CNTN4: variants seen among roughly 807,000 people sequenced by gnomAD.
CNTN4 encodes contactin 4.
In CNTN4, 77 loss-of-function variants were observed where a neutral mutation model predicts 122.5. The observed-to-expected ratio is 0.63, with a 90% confidence interval of 0.52 to 0.76. The LOEUF (loss-of-function observed/expected upper bound fraction) is 0.76. Ranked by LOEUF, CNTN4 falls within the 30% of genes least tolerant of loss-of-function variation. The pLI is 0.00. For missense variants in CNTN4, 1,256 were observed against 1,259.1 expected (o/e 1.00, Z 0.04); for synonymous variants, 512 against 447.0 (o/e 1.15, Z -1.83).
rs935426805 is a variant in CNTN4, at chr3:2,128,292, C to T, written c.-145+27653C>T. Among the ~76,000 whole-genome samples the T allele has an allele frequency of 3.9e-5, 6 of 152,288 alleles. No homozygotes were observed. The South Asian group carries it at 1.2e-3, about 32-fold the overall frequency. On this transcript the variant is annotated intron_variant, in intron 2 of 24. Coordinates refer to ENST00000418658, the MANE Select transcript of CNTN4 (RefSeq NM_175607.3). Reference sequence around the variant, plus strand: ...TTTTTAAACTGGCCAAAAGAAAACACATATTTCCAGAATGGACACAGTGAT... The same window carrying T: ...TTTTTAAACTGGCCAAAAGAAAACATATATTTCCAGAATGGACACAGTGAT...
intron 2 of CNTN4, among the ~76,000 whole-genome samples, chr3:2,225,962 G>T (rs1027770367): frequency 6.6e-6 from 1 of 152,162 alleles, no homozygotes; most frequent in Admixed American, 6.5e-5. Context: ...AAGACCTTGA[G>T]CAAGTTACTT....
chr3:2,249,903 A>G (rs191018850), intron 2 of CNTN4, among the ~76,000 whole-genome samples: 5 of 151,924 alleles, frequency 3.3e-5, no homozygotes, highest in Admixed American at 2.6e-4. Flanking sequence ...CAAGATCCCT[A>G]TAGAGGGATT....
At chr3:2,171,556 A>G (rs1284098810) in intron 2 of CNTN4, among the ~76,000 whole-genome samples, 1 of 152,178 alleles carries the variant, frequency 6.6e-6, no homozygotes, top group Non-Finnish European at 1.5e-5. Flanking sequence ...AAGTAGAGCT[A>G]TTTCCAATTT....
chr3:2,850,082 C>A (rs1442073543), intron 7 of CNTN4, among the ~76,000 whole-genome samples: 1 of 151,658 alleles, frequency 6.6e-6, no homozygotes. Context: ...CTCCACCTCC[C>A]GAGTTCAAGT....
chr3:2,328,112 C>A (rs1179831704), intron 2 of CNTN4, among the ~76,000 whole-genome samples: 3 of 152,174 alleles, frequency 2.0e-5, no homozygotes, highest in Non-Finnish European at 4.4e-5. Flanking sequence ...TTCTGCACGG[C>A]TGTCCATTAA....
intron 12 of CNTN4, among the ~76,000 whole-genome samples, chr3:2,903,599 A>G (rs1479488892): frequency 1.3e-5 from 2 of 151,862 alleles, no homozygotes; most frequent in African/African-American, 4.8e-5. Context: ...TCCCCTCTTC[A>G]TTTCTGTAAC....
chr3:2,150,554 A>C (rs1180216354), intron 2 of CNTN4, among the ~76,000 whole-genome samples: 2 of 152,174 alleles, frequency 1.3e-5, no homozygotes, highest in Non-Finnish European at 2.9e-5. Context: ...TCCCCTGGGG[A>C]TTCTGTAGCA....
intron 2 of CNTN4, among the ~76,000 whole-genome samples, chr3:2,327,003 G>A (rs1409038554): frequency 1.3e-5 from 2 of 152,138 alleles, no homozygotes; most frequent in African/African-American, 4.8e-5. Flanking sequence ...ATGTAGGTAG[G>A]AAAGATAATT....
chr3:2,705,750 TATA>T (rs1305808314), intron 4 of CNTN4, among the ~76,000 whole-genome samples: 1 of 102,502 alleles, frequency 9.8e-6, no homozygotes, highest in African/African-American at 4.1e-5. Context: ...ATATATGATA[TATA>T]ATATATAATA....
chr3:2,887,502 C>T (rs2093992160), intron 10 of CNTN4, among the ~76,000 whole-genome samples: 1 of 151,934 alleles, frequency 6.6e-6, no homozygotes, highest in African/African-American at 2.4e-5. Context: ...TCTGTTTTTC[C>T]TCTTTGCATC....
At chr3:2,636,668 TA>T (rs1414188071) in intron 4 of CNTN4, among the ~76,000 whole-genome samples, 9 of 152,174 alleles carry the variant, frequency 5.9e-5, no homozygotes, top group Non-Finnish European at 1.3e-4. Context: ...AATAAGCTTA[TA>T]AAACCCAAAC....
chr3:2,722,572 A>G (rs796707339), intron 4 of CNTN4, among the ~76,000 whole-genome samples: 7 of 152,226 alleles, frequency 4.6e-5, no homozygotes, highest in African/African-American at 1.7e-4. Flanking sequence ...CAACAACTCA[A>G]TGGACGTGCT....
At chr3:2,396,993 G>C (rs764362104) in intron 3 of CNTN4, among the ~76,000 whole-genome samples, 7 of 152,182 alleles carry the variant, frequency 4.6e-5, no homozygotes, top group Admixed American at 6.5e-5. Flanking sequence ...TTGAAATTCA[G>C]TATAAGGAAG....
At chr3:2,367,424 A>G (rs1016122504) in intron 3 of CNTN4, among the ~76,000 whole-genome samples, 5 of 152,252 alleles carry the variant, frequency 3.3e-5, no homozygotes, top group African/African-American at 1.2e-4. Context: ...CCTTGAAAAT[A>G]CGAAAATCTT....
intron 4 of CNTN4, among the ~76,000 whole-genome samples, chr3:2,684,414 A>T (rs1007839897): frequency 6.6e-6 from 1 of 152,178 alleles, no homozygotes; most frequent in African/African-American, 2.4e-5. Context: ...GAGAAATTAT[A>T]CAAAGTGGTA....
chr3:2,907,868 C>G (rs2151194227), intron 12 of CNTN4, among the ~76,000 whole-genome samples: 1 of 152,304 alleles, frequency 6.6e-6, no homozygotes, highest in South Asian at 2.1e-4. Flanking sequence ...GATTTACTCA[C>G]TGGATGGGCA....
At chr3:2,315,584 G>T (rs11129099) in intron 2 of CNTN4, among the ~76,000 whole-genome samples, 64,110 of 151,602 alleles carry the variant, frequency 0.42, 14,798 homozygotes, top group Admixed American at 0.51. Context: ...ATAATCAGAA[G>T]TAAAAAGGTT....
At chr3:2,848,200 C>T (rs2093487670) in intron 7 of CNTN4, among the ~76,000 whole-genome samples, 1 of 152,156 alleles carries the variant, frequency 6.6e-6, no homozygotes, top group Admixed American at 6.5e-5. Flanking sequence ...GATCATGCCA[C>T]TGCAGTCCAG....
Position 2,674,725 on chromosome 3 carries a change from T to A in CNTN4, c.56-61490T>A, listed in dbSNP as rs930937776. Reference sequence around the variant, plus strand: ...TTGAGCTGAGATCAGGCCACAGCACTCCAGTCTGGGTGACAGGATGAGACT... The same window carrying A: ...TTGAGCTGAGATCAGGCCACAGCACACCAGTCTGGGTGACAGGATGAGACT... On this transcript the variant is annotated intron_variant, in intron 4 of 24. Coordinates refer to ENST00000418658, the MANE Select transcript of CNTN4 (RefSeq NM_175607.3). 6.6e-5 allele frequency among the ~76,000 whole-genome samples: 10 copies of A among 151,180 alleles called. 1 individual carries two copies. Among genetic ancestry groups the A allele is most frequent in the African/African-American group, 2.4e-4 (10 of 41,084 alleles).
Sources: allele counts gnomAD v4.1 joint callset (sites outside exome capture counted in the v4.1 genomes callset), GRCh38; gene constraint gnomAD v4.1.1; transcripts MANE v1.5; gene names NCBI Gene and HGNC (gene_info 2026-07-23, HGNC 2026-07-21).